Variants in MINDY4 observed in about 807,000 individuals in gnomAD.
The protein encoded by MINDY4 is probable ubiquitin carboxyl-terminal hydrolase MINDY-4.
Under a neutral mutation model 87.0 loss-of-function variants are expected in MINDY4, and 68 were observed. That is an observed-to-expected ratio of 0.78 (90% CI 0.64 to 0.96). MINDY4 has a LOEUF of 0.96. Ranked by LOEUF, MINDY4 falls within the 40% of genes least tolerant of loss-of-function variation. The pLI is 0.00. For synonymous variants in MINDY4, 379 were observed against 363.2 expected (o/e 1.04, Z -0.50); for missense variants, 919 against 928.2 (o/e 0.99, Z 0.13).
At chr7:30,872,119 G>T in intron 13 of MINDY4, 124 bp from the exon 14 acceptor site, 3 of 890,624 alleles carry the variant, frequency 3.4e-6, no homozygotes, top group Non-Finnish European at 5.4e-6. Flanking sequence ...GAGCGCTCAG[G>T]TTCCCACCAA....
intron 17 of MINDY4, among the ~76,000 whole-genome samples, chr7:30,883,584 A>G (rs950049159): frequency 6.6e-6 from 1 of 152,008 alleles, no homozygotes; most frequent in Non-Finnish European, 1.5e-5. Context: ...AGGGGAGGGG[A>G]ATGTTCAGTA....
At chr7:30,814,785 C>G in intron 5 of MINDY4, among the ~76,000 whole-genome samples, 1 of 152,196 alleles carries the variant, frequency 6.6e-6, no homozygotes, top group Non-Finnish European at 1.5e-5. Context: ...AAGTGTAAGC[C>G]TCTTCACCTT....
intron 1 of MINDY4, among the ~76,000 whole-genome samples, chr7:30,776,323 C>G (rs1426598105): frequency 6.6e-6 from 1 of 152,178 alleles, no homozygotes; most frequent in African/African-American, 2.4e-5. Context: ...TGGCTCAGGG[C>G]CTTTGCACTT....
chr7:30,848,437 C>T (rs1789294199), intron 9 of MINDY4, among the ~76,000 whole-genome samples: 1 of 152,226 alleles, frequency 6.6e-6, no homozygotes, highest in African/African-American at 2.4e-5. Context: ...GTGCAGTTGA[C>T]AGTACATGGC....
intron 17 of MINDY4, among the ~76,000 whole-genome samples, chr7:30,884,166 G>A (rs987278577): frequency 2.0e-5 from 3 of 152,146 alleles, no homozygotes; most frequent in African/African-American, 7.2e-5. Context: ...GCTTAGGGTT[G>A]ATGCCCACCA....
At position 30,771,523 on chromosome 7, in the gene MINDY4, C is replaced by A; in HGVS notation, c.30C>A (p.Ala10=). The change falls in exon 1 of 18, where the codon GCC becomes GCA. Residue 10 remains alanine, a synonymous_variant. Transcript: ENST00000265299. The part of the protein sequence containing the change: MDSLFVEEV[A]ASLVREFLSR... ...ACAGCCTCTTCGTGGAGGAGGTGGC[C>A]GCCTCCTTGGTCAGGGAGTTCCTCA... The A allele has an allele frequency of 6.2e-7, 1 of 1,605,102 alleles. No individual in the cohort carries two copies. The highest frequency in any genetic ancestry group is 8.5e-7 in the Non-Finnish European group (1 of 1,176,972).
In MINDY4 at chr7:30,868,357, C is replaced by T. The variant is rs1790001978; in HGVS notation, c.1746-3886C>T. Among the ~76,000 whole-genome samples the T allele has an allele frequency of 2.6e-5, 4 of 152,206 alleles. No individual in the cohort carries two copies. In the South Asian group the frequency reaches 8.3e-4, roughly 32 times the overall value. On this transcript the variant is annotated intron_variant, in intron 13 of 17. Coordinates refer to ENST00000265299, the MANE Select transcript of MINDY4 (RefSeq NM_032222.3). ...CACGAGTCCTTTTTACTGACTGGAC[C>T]TCAGTTTCCCCATCAGTAAAACAGA... is the stretch of plus-strand genomic sequence containing the variant.
intron 14 of MINDY4, among the ~76,000 whole-genome samples, chr7:30,872,849 T>A (rs1790146090): frequency 6.6e-6 from 1 of 152,236 alleles, no homozygotes; most frequent in South Asian, 2.1e-4. Flanking sequence ...AAGGGACCTT[T>A]TCAAGATGTT....
chr7:30,867,053 C>T (rs1462263467), intron 13 of MINDY4, among the ~76,000 whole-genome samples: 1 of 152,224 alleles, frequency 6.6e-6, no homozygotes, highest in Admixed American at 6.5e-5. Flanking sequence ...CTTATTGCAA[C>T]AGCCCTTTGA....
intron 15 of MINDY4, among the ~76,000 whole-genome samples, chr7:30,877,861 G>A (rs1159156154): frequency 1.4e-5 from 1 of 72,980 alleles, no homozygotes; most frequent in African/African-American, 4.7e-5. Context: ...TTTTTTTTAA[G>A]TAGAGATGGG....
In MINDY4 at chr7:30,852,880, A is replaced by T. The variant is rs1422655056; in HGVS notation, c.1612-514A>T. ...CGGTTTGGGCACGTGTTGCCCTGTG[A>T]CCCTAACTGAGGGTCTCGCATTGTT... is the stretch of plus-strand genomic sequence containing the variant. On this transcript the variant is annotated intron_variant, in intron 11 of 17. Transcript: ENST00000265299. 3.9e-5 allele frequency among the ~76,000 whole-genome samples: 6 copies of T among 152,150 alleles called. No homozygotes were observed. In the South Asian group the frequency reaches 6.2e-4, roughly 16 times the overall value.
chr7:30,881,633 G>A (rs546506928), intron 15 of MINDY4, among the ~76,000 whole-genome samples: 2 of 152,344 alleles, frequency 1.3e-5, no homozygotes, highest in East Asian at 1.9e-4. Flanking sequence ...TGAGGCAGAG[G>A]TGCTGCGGCT....
At chr7:30,810,174 CAAAAA>C (rs58498956) in intron 5 of MINDY4, among the ~76,000 whole-genome samples, 6 of 66,698 alleles carry the variant, frequency 9.0e-5, no homozygotes, top group African/African-American at 1.9e-4. Flanking sequence ...GACTCTGTTT[CAAAAA>C]AAAAAAAAAA....
intron 4 of MINDY4, 43 bp downstream of exon 4, chr7:30,786,035 A>G (rs1325851999): frequency 1.9e-6 from 3 of 1,608,344 alleles, no homozygotes; most frequent in Admixed American, 3.3e-5. Context: ...CTGGAGGCTG[A>G]GAACTGGGCT....
chr7:30,887,445 G>A (rs914135775), intron 17 of MINDY4, among the ~76,000 whole-genome samples: 2 of 152,268 alleles, frequency 1.3e-5, no homozygotes, highest in East Asian at 3.8e-4. Context: ...AGCTGTGGAA[G>A]CACTGCCTTT....
At chr7:30,774,797 C>G (rs1786758657) in intron 1 of MINDY4, among the ~76,000 whole-genome samples, 1 of 151,880 alleles carries the variant, frequency 6.6e-6, no homozygotes, top group African/African-American at 2.4e-5. Flanking sequence ...TCGCTGGTCC[C>G]CCTAGTTTCT....
chr7:30,797,660 G>A (rs7781249), intron 5 of MINDY4, among the ~76,000 whole-genome samples: 76,673 of 151,864 alleles, frequency 0.5, 19,978 homozygotes, highest in African/African-American at 0.58. Context: ...GGATACTCCC[G>A]CATCTAGGAG....
In MINDY4 at chr7:30,836,758, A is replaced by G. The variant is rs746162457; in HGVS notation, c.1233A>G (p.Val411=). 1 of 1,613,192 alleles carries G rather than the reference A, an allele frequency of 6.2e-7. No homozygotes were observed. The highest frequency in any genetic ancestry group is 1.7e-5 in the Admixed American group (1 of 60,016). Residue 411 remains valine (V), a synonymous_variant, in exon 7 of 18, where the codon GTA becomes GTG. Transcript: ENST00000265299. ...CATCAAAACCAATTGACCTCTCAGT[A>G]GCAAAGGTAAGTGTAAGGAGACTCC... ...QTASKPIDLS[V]AKEIKTLLFG...
chr7:30,873,880 A>G (rs1454773415), intron 14 of MINDY4, among the ~76,000 whole-genome samples: 1 of 152,128 alleles, frequency 6.6e-6, no homozygotes, highest in African/African-American at 2.4e-5. Flanking sequence ...ATTTCCTCCA[A>G]ATTCTTGTGT....
Sources: allele counts gnomAD v4.1 joint callset (sites outside exome capture counted in the v4.1 genomes callset), GRCh38; gene constraint gnomAD v4.1.1; transcripts MANE v1.5; gene names NCBI Gene and HGNC (gene_info 2026-07-23, HGNC 2026-07-21).